Variants in IMMP2L observed in about 807,000 individuals in gnomAD.
The protein encoded by IMMP2L is inner mitochondrial membrane peptidase subunit 2, also known as mitochondrial inner membrane protease subunit 2.
IMMP2L carries 18 observed loss-of-function variants against 19.3 expected under a neutral mutation model. That is an observed-to-expected ratio of 0.93 (90% CI 0.64 to 1.38). The LOEUF (loss-of-function observed/expected upper bound fraction) is 1.38. Among genes scored for constraint, IMMP2L ranks in the 40% most tolerant of loss-of-function variants. The pLI, the probability that IMMP2L is intolerant of heterozygous loss-of-function variation, is 0.00. For synonymous variants in IMMP2L, 76 were observed against 73.0 expected, an observed-to-expected ratio of 1.04 and a Z score of -0.21; for missense variants, 233 against 218.2, an observed-to-expected ratio of 1.07 and a Z score of -0.43.
chr7:110,738,655 T>C (rs1001302530), intron 5 of IMMP2L, among the ~76,000 whole-genome samples: 5 of 152,204 alleles, frequency 3.3e-5, no homozygotes, highest in South Asian at 2.1e-4. Flanking sequence ...TTTGAGGAAA[T>C]AGTCGAAGAA....
chr7:111,450,882 A>T (rs969414223), intron 3 of IMMP2L, among the ~76,000 whole-genome samples: 1 of 151,340 alleles, frequency 6.6e-6, no homozygotes, highest in Non-Finnish European at 1.5e-5. Flanking sequence ...AAACAACCCC[A>T]TCAAAAAGTG....
At chr7:111,024,186 A>G (rs1464107281) in intron 3 of IMMP2L, among the ~76,000 whole-genome samples, 1 of 152,212 alleles carries the variant, frequency 6.6e-6, no homozygotes, top group Non-Finnish European at 1.5e-5. Context: ...TTTACCCTTC[A>G]AAAATATAGC....
chr7:111,474,992 C>T (rs969318017), intron 3 of IMMP2L, among the ~76,000 whole-genome samples: 1 of 152,036 alleles, frequency 6.6e-6, no homozygotes, highest in Non-Finnish European at 1.5e-5. Context: ...TACACAAATC[C>T]TTGCAATATA....
At chr7:110,767,564 T>C (rs938440203) in intron 5 of IMMP2L, among the ~76,000 whole-genome samples, 1 of 152,206 alleles carries the variant, frequency 6.6e-6, no homozygotes, top group African/African-American at 2.4e-5. Flanking sequence ...CACTCAGTTA[T>C]ACAAGAACGA....
At chr7:111,533,686 T>C (rs981318026) in intron 1 of IMMP2L, among the ~76,000 whole-genome samples, 2 of 152,142 alleles carry the variant, frequency 1.3e-5, no homozygotes, top group Non-Finnish European at 2.9e-5. Flanking sequence ...ATTTATTAAA[T>C]TCATTATAAG....
At chr7:111,076,439 GT>G (rs569470951) in intron 3 of IMMP2L, among the ~76,000 whole-genome samples, 1,585 of 152,176 alleles carry the variant, frequency 0.01, 27 homozygotes, top group African/African-American at 0.035. Context: ...GGGATTTTTT[GT>G]TTTTTGGCCC....
At chr7:110,897,281 C>A (rs940907833) in intron 4 of IMMP2L, among the ~76,000 whole-genome samples, 3 of 151,932 alleles carry the variant, frequency 2.0e-5, no homozygotes, top group Non-Finnish European at 4.4e-5. Flanking sequence ...ACAGATGTTG[C>A]ATATATAATG....
intron 3 of IMMP2L, among the ~76,000 whole-genome samples, chr7:110,999,132 T>C (rs1563146735): frequency 3.3e-5 from 5 of 152,126 alleles, no homozygotes; most frequent in Admixed American, 6.6e-5. Context: ...TGATCCTTTG[T>C]TAAGGCATTT....
At chr7:111,262,329 G>T (rs1485565828) in intron 3 of IMMP2L, among the ~76,000 whole-genome samples, 3 of 152,054 alleles carry the variant, frequency 2.0e-5, no homozygotes, top group Non-Finnish European at 4.4e-5. Context: ...GCCAGGGAGG[G>T]TTAGTAAAGG....
chr7:111,085,850 G>A (rs1796275702), intron 3 of IMMP2L, among the ~76,000 whole-genome samples: 1 of 152,172 alleles, frequency 6.6e-6, no homozygotes, highest in South Asian at 2.1e-4. Context: ...CATGGATGCA[G>A]CTGGAGGCTA....
intron 3 of IMMP2L, among the ~76,000 whole-genome samples, chr7:111,369,744 A>G (rs1481604474): frequency 1.3e-5 from 2 of 151,952 alleles, no homozygotes; most frequent in East Asian, 3.9e-4. Flanking sequence ...TTAAAAAGCA[A>G]TGAGACTTTG....
intron 3 of IMMP2L, among the ~76,000 whole-genome samples, chr7:111,203,100 AAAG>A (rs1197439583): frequency 2.0e-5 from 3 of 152,200 alleles, no homozygotes; most frequent in Admixed American, 6.5e-5. Flanking sequence ...ATGCAAGTAA[AAAG>A]AAGAAGGGTG....
intron 3 of IMMP2L, among the ~76,000 whole-genome samples, chr7:111,000,139 C>A (rs775633637): frequency 5.3e-5 from 8 of 152,110 alleles, no homozygotes; most frequent in Non-Finnish European, 1.0e-4. Flanking sequence ...ATTCTGGGAA[C>A]AGAAATTGGG....
intron 4 of IMMP2L, among the ~76,000 whole-genome samples, chr7:110,943,530 G>T (rs962838384): frequency 1.3e-5 from 2 of 151,962 alleles, no homozygotes; most frequent in African/African-American, 4.8e-5. Flanking sequence ...CTTTTGAGTA[G>T]AAGCTTAAGA....
chr7:111,289,765 C>T (rs1820886406), intron 3 of IMMP2L, among the ~76,000 whole-genome samples: 1 of 151,828 alleles, frequency 6.6e-6, no homozygotes, highest in African/African-American at 2.4e-5. Flanking sequence ...GGCGCGATCT[C>T]GGCTCTGCCT....
At chr7:111,463,649 C>G (rs1001167807) in intron 3 of IMMP2L, among the ~76,000 whole-genome samples, 1 of 152,154 alleles carries the variant, frequency 6.6e-6, no homozygotes, top group African/African-American at 2.4e-5. Context: ...ATGGGTAATT[C>G]CATTCCCACC....
chr7:111,030,890 A>G (rs1201982070), intron 3 of IMMP2L, among the ~76,000 whole-genome samples: 729 of 4,008 alleles, frequency 0.18, 1 homozygote, highest in Middle Eastern at 0.5. Context: ...GTGTGTATAT[A>G]TATATATATA....
chr7:111,427,609 T>C (rs1208360192), intron 3 of IMMP2L, among the ~76,000 whole-genome samples: 2 of 151,792 alleles, frequency 1.3e-5, no homozygotes, highest in Non-Finnish European at 2.9e-5. Flanking sequence ...TCCAACTCAA[T>C]AAACCTTAAA....
intron 4 of IMMP2L, among the ~76,000 whole-genome samples, chr7:110,957,761 T>C (rs962140643): frequency 1.3e-5 from 2 of 151,978 alleles, no homozygotes; most frequent in African/African-American, 4.8e-5. Context: ...GTATGACTCT[T>C]TCCCTGTCTT....
Sources: allele counts gnomAD v4.1 joint callset (sites outside exome capture counted in the v4.1 genomes callset), GRCh38; gene constraint gnomAD v4.1.1; transcripts MANE v1.5; gene names NCBI Gene and HGNC (gene_info 2026-07-23, HGNC 2026-07-21).